The following NSD1 variants were observed in gnomAD, a reference collection of about 807,000 sequenced individuals.
NSD1 encodes histone-lysine N-methyltransferase, H3 lysine-36 specific.
Under a neutral mutation model 242.7 loss-of-function variants are expected in NSD1, and 26 were observed. The observed-to-expected ratio is 0.11, with a 90% CI of 0.08 to 0.15. The LOEUF is 0.15. NSD1 is among the 10% of genes least tolerant of loss of function. The pLI, the probability that NSD1 is intolerant of heterozygous loss-of-function variation, is 1.00. For missense variants in NSD1, 2,495 were observed against 3,272.8 expected (o/e 0.76, Z 5.80); for synonymous variants, 1,106 against 1,178.1 (o/e 0.94, Z 1.25).
intron 2 of NSD1, among the ~76,000 whole-genome samples, chr5:177,185,844 A>T (rs1761114607): frequency 1.2e-5 from 1 of 85,968 alleles, no homozygotes; most frequent in Non-Finnish European, 2.0e-5. Context: ...TATATATTTA[A>T]ATATATATTA....
At chr5:177,266,928 T>C (rs1268286905) in intron 14 of NSD1, among the ~76,000 whole-genome samples, 2 of 152,220 alleles carry the variant, frequency 1.3e-5, no homozygotes, top group African/African-American at 2.4e-5. Context: ...GCAGTGGTGC[T>C]GTCTTGGCTC....
At position 177,210,210 on chromosome 5, in the gene NSD1, G is replaced by A. The variant is rs61744451; in HGVS notation, c.1811G>A (p.Arg604Gln). Residue 604 changes from arginine (R) to glutamine (Q), a missense_variant, in exon 5 of 23, where the codon CGA becomes CAA. Arg to Gln is a conservative substitution (Grantham distance 43). Coordinates refer to ENST00000439151, the MANE Select transcript of NSD1 (RefSeq NM_022455.5). ...PEGALISKCS[R>Q]EKNKPQRSLV... ...GGTGCTTTGATCTCAAAGTGTTCTCGAGAGAAGAATAAACCCCAACGAAGC... is the reference window on the plus strand; with the variant it reads ...GGTGCTTTGATCTCAAAGTGTTCTCAAGAGAAGAATAAACCCCAACGAAGC... The A allele has an allele frequency of 3.4e-5, 54 of 1,596,254 alleles. No individual in the cohort carries two copies. In the South Asian group the frequency reaches 5.0e-4, roughly 15 times the overall value.
chr5:177,160,859 C>G (rs1758691458), intron 2 of NSD1, among the ~76,000 whole-genome samples: 1 of 152,002 alleles, frequency 6.6e-6, no homozygotes, highest in African/African-American at 2.4e-5. Flanking sequence ...ACCTCCCCTT[C>G]CCAGGTTGAA....
chr5:177,244,252 T>C lies in NSD1; in HGVS notation c.4360T>C (p.Ser1454Pro), dbSNP rs1766105432. The change falls in exon 9 of 23, where the codon TCA (serine) becomes CCA (proline). Residue 1454 changes from serine to proline, a missense_variant. Coordinates refer to ENST00000439151, the MANE Select transcript of NSD1 (RefSeq NM_022455.5). The part of the protein sequence containing the change: ...GITESCATSY[S>P]KDFGGGTTKI... ...AACTGAATCTTGTGCCACATCTTAT[T>C]CAAAAGATTTTGGTGGAGGTGAGTA... 1 of 1,613,334 alleles carries C rather than the reference T, an allele frequency of 6.2e-7. No individual in the cohort carries two copies. The highest frequency in any genetic ancestry group is 8.5e-7 in the Non-Finnish European group (1 of 1,179,394).
chr5:177,207,656 C>T (rs1762999157), intron 4 of NSD1, among the ~76,000 whole-genome samples: 1 of 129,130 alleles, frequency 7.7e-6, no homozygotes, highest in Admixed American at 9.4e-5. Flanking sequence ...GTTTCCCAGG[C>T]TGGGCTAAAG....
intron 14 of NSD1, among the ~76,000 whole-genome samples, chr5:177,262,557 A>T (rs970616623): frequency 6.6e-6 from 1 of 152,260 alleles, no homozygotes; most frequent in African/African-American, 2.4e-5. Flanking sequence ...ACATCAGGCA[A>T]ACCTGCCTCC....
chr5:177,267,750 A>G, intron 15 of NSD1, 32 bp downstream of exon 15: 1 of 1,608,042 alleles, frequency 6.2e-7, no homozygotes, highest in Non-Finnish European at 8.5e-7. Flanking sequence ...CATCTCTTTT[A>G]CCATCCTCTG....
Position 177,210,911 on chromosome 5 carries a change from C to T in NSD1, c.2512C>T (p.Leu838=). The change falls in exon 5 of 23, where the codon CTA becomes TTA. Residue 838 remains leucine, a synonymous_variant. Coordinates refer to ENST00000439151, the MANE Select transcript of NSD1 (RefSeq NM_022455.5). The part of the protein sequence containing the change: ...SKSGKVDGLK[L]LNNMHEKTRD... Reference sequence around the variant, plus strand: ...AAGTGGGAAAGTGGATGGTCTAAAACTACTGAACAATATGCATGAGAAAAC... The same window carrying T: ...AAGTGGGAAAGTGGATGGTCTAAAATTACTGAACAATATGCATGAGAAAAC... 1.2e-6 allele frequency: 2 copies of T among 1,614,158 alleles called. No individual in the cohort carries two copies. The highest frequency in any genetic ancestry group is 1.6e-4 in the Middle Eastern group (1 of 6,062).
chr5:177,291,827 G>C, intron 21 of NSD1, 127 bp from the exon 22 acceptor site: 1 of 931,104 alleles, frequency 1.1e-6, no homozygotes, highest in South Asian at 1.4e-5. Context: ...TACCTTTCCT[G>C]CATTTTATCT....
chr5:177,150,886 A>G (rs1241163588), intron 2 of NSD1, among the ~76,000 whole-genome samples: 1 of 152,224 alleles, frequency 6.6e-6, no homozygotes, highest in East Asian at 1.9e-4. Context: ...AACAGACATT[A>G]ATGCTACACT....
chr5:177,207,592 A>ATTTTTTTT (rs1562201568), intron 4 of NSD1, among the ~76,000 whole-genome samples: 1 of 100,118 alleles, frequency 1.0e-5, no homozygotes, highest in African/African-American at 5.7e-5. Flanking sequence ...TATTTATTTA[A>ATTTTTTTT]ATTTTTTTTT....
chr5:177,265,934 T>C lies in NSD1; in HGVS notation c.5147-1628T>C. 2.2e-6 allele frequency: 3 copies of C among 1,344,082 alleles called. No homozygotes were observed. The South Asian group carries it at 3.5e-5, about 16-fold the overall frequency. 83.3% of individuals were successfully genotyped at this position (1,344,082 alleles called of 1,614,324 possible). On this transcript the variant is annotated intron_variant, in intron 14 of 22. Transcript: ENST00000439151. The stretch of plus-strand genomic sequence containing the variant: ...CTTGACGGTGTAGATGTCTACCTCC[T>C]TTATGAGGCAGGCGTTGGTAACCAG...
At chr5:177,284,843 G>T (rs919594859) in intron 20 of NSD1, among the ~76,000 whole-genome samples, 5 of 152,200 alleles carry the variant, frequency 3.3e-5, no homozygotes, top group Non-Finnish European at 5.9e-5. Flanking sequence ...GTATATGCCT[G>T]TAGTCTCGGT....
chr5:177,164,372 G>A (rs2149791975), intron 2 of NSD1, among the ~76,000 whole-genome samples: 1 of 152,014 alleles, frequency 6.6e-6, no homozygotes, highest in East Asian at 1.9e-4. Context: ...GGCCAGGCTG[G>A]TCTTTAACTC....
At chr5:177,202,279 T>C (rs200247076) in intron 3 of NSD1, among the ~76,000 whole-genome samples, 2 of 152,224 alleles carry the variant, frequency 1.3e-5, no homozygotes, top group East Asian at 1.9e-4. Context: ...ATGCCTTTTG[T>C]ACTGTAATCA....
rs1040070409 is a variant in NSD1, at chr5:177,134,638, G to A, written c.-17-449G>A. 2.0e-5 allele frequency among the ~76,000 whole-genome samples: 3 copies of A among 152,314 alleles called. No individual in the cohort carries two copies. Among genetic ancestry groups the A allele is most frequent in the Non-Finnish European group, 4.4e-5 (3 of 68,018 alleles). On this transcript the variant is annotated intron_variant, in intron 1 of 22. Coordinates refer to ENST00000439151, the MANE Select transcript of NSD1 (RefSeq NM_022455.5). The surrounding 1 kb of genome is among the most constrained non-coding windows in gnomAD (Gnocchi z 4.2). ...CGCAGGGTGCAGCGCTATTGTGACC[G>A]CTGCGCCCTAGCGAGCCAGGAAGGG... is the stretch of plus-strand genomic sequence containing the variant.
chr5:177,268,833 C>T (rs79559262), intron 15 of NSD1, among the ~76,000 whole-genome samples: 7,410 of 152,222 alleles, frequency 0.049, 198 homozygotes, highest in South Asian at 0.082. Context: ...TATAGTGGTT[C>T]ATTCATAGTT....
intron 20 of NSD1, among the ~76,000 whole-genome samples, chr5:177,284,457 T>G (rs540500515): frequency 1.3e-5 from 2 of 151,436 alleles, no homozygotes; most frequent in East Asian, 1.9e-4. Context: ...TGTTTTTTGT[T>G]TTTTTTTTGT....
chr5:177,207,911 TGTGTGTGTGTGC>T lies in NSD1; in HGVS notation c.1237-1713_1237-1702del, dbSNP rs766763546. Among the ~76,000 whole-genome samples, 149 of 151,518 alleles carry T rather than the reference TGTGTGTGTGTGC, an allele frequency of 9.8e-4. 1 individual carries two copies. In the South Asian group the frequency reaches 0.012, roughly 12 times the overall value. On this transcript the variant is annotated intron_variant, in intron 4 of 22. Transcript: ENST00000439151. ...GCATGCAGCATGTCCAGCTAGTGTG[TGTGTGTGTGTGC>T]GTGTGTGTGTGTGTGTTTTTAGTAG...
Sources: gnomAD v4.1 joint callset for allele counts (sites outside exome capture counted in the v4.1 genomes callset) on GRCh38, gnomAD v4.1.1 for gene constraint, Gnocchi (gnomAD v3.1) non-coding constraint, MANE v1.5 for transcripts, NCBI Gene and HGNC (gene_info 2026-07-23, HGNC 2026-07-21) for gene names.